Variants in USP3 observed in about 807,000 individuals in gnomAD.
USP3 encodes ubiquitin carboxyl-terminal hydrolase 3.
A neutral mutation model predicts 72.3 loss-of-function variants in USP3; 20 were observed. That is an observed-to-expected ratio of 0.28 (90% confidence interval 0.19 to 0.40). USP3 has a LOEUF of 0.40. Ranked by LOEUF, USP3 falls within the 10% of genes least tolerant of loss-of-function variation. USP3 has a pLI of 1.00. For missense variants in USP3, 479 were observed against 633.9 expected, an observed-to-expected ratio of 0.76 and a Z score of 2.62; for synonymous variants, 222 against 225.3, an observed-to-expected ratio of 0.99 and a Z score of 0.13.
At chr15:63,568,274 G>C (rs1320108977) in intron 8 of USP3, among the ~76,000 whole-genome samples, 1 of 150,570 alleles carries the variant, frequency 6.6e-6, no homozygotes, top group Non-Finnish European at 1.5e-5. Flanking sequence ...AGAATCCCTT[G>C]AACCAGGGAG....
chr15:63,570,539 CAGG>C lies in USP3; in HGVS notation c.871_873del (p.Glu291del). 1.2e-6 allele frequency: 2 copies of C among 1,614,110 alleles called. No individual in the cohort carries two copies. Among genetic ancestry groups the C allele is most frequent in the Non-Finnish European group, 1.7e-6 (2 of 1,179,986 alleles). Reference sequence around the variant, plus strand: ...CGGTGTTTCCCGCTCAGCAATTCTGCAGGAGAATTCTACTCTGTCTGCAAGTAA... The same window carrying C: ...CGGTGTTTCCCGCTCAGCAATTCTGCAGAATTCTACTCTGTCTGCAAGTAA... On this transcript the variant is annotated inframe_deletion, in exon 9 of 15. Transcript: ENST00000380324. This position sits in a 1 kb window ranked among gnomAD's most constrained non-coding sequence, Gnocchi z 4.4.
rs1330708930 is a variant in USP3, at chr15:63,593,980, T to TC, written c.*3156dup. On this transcript the variant is annotated 3_prime_UTR_variant, in exon 15 of 15. Transcript: ENST00000380324. ...TCCATGGTGGAGAAACCTTTGCTTA[T>TC]CCACTGTATTCTACTCAGTGTATAG... 6.6e-6 allele frequency: 1 copy of TC among 152,258 alleles called. No homozygotes were observed. Among genetic ancestry groups the TC allele is most frequent in the Non-Finnish European group, 1.5e-5 (1 of 68,048 alleles). The allele number at this position is 152,258 out of a possible 1,614,324, so 9.4% of individuals were successfully genotyped here.
intron 1 of USP3, chr15:63,530,525 C>G: frequency 2.8e-6 from 1 of 361,498 alleles, no homozygotes; most frequent in Non-Finnish European, 5.4e-6. Context: ...TTTACCAAAG[C>G]TGGTCTCGAA....
intron 11 of USP3, among the ~76,000 whole-genome samples, chr15:63,576,954 T>A (rs538738579): frequency 2.0e-5 from 3 of 152,324 alleles, no homozygotes; most frequent in African/African-American, 4.8e-5. Context: ...TTACCTAGTA[T>A]GTCTTCTACG....
chr15:63,555,005 CTT>C (rs1464778911), intron 4 of USP3, among the ~76,000 whole-genome samples: 1 of 152,164 alleles, frequency 6.6e-6, no homozygotes, highest in Non-Finnish European at 1.5e-5. Context: ...TAGTATCACT[CTT>C]TGGTGTGGTG....
At chr15:63,539,883 G>A (rs773541756) in intron 3 of USP3, among the ~76,000 whole-genome samples, 10 of 152,188 alleles carry the variant, frequency 6.6e-5, no homozygotes, top group African/African-American at 2.4e-4. Context: ...GTAAATTGAC[G>A]AAGATGCAGT....
chr15:63,558,437 G>C (rs1414669370), intron 6 of USP3, among the ~76,000 whole-genome samples: 2 of 152,144 alleles, frequency 1.3e-5, no homozygotes, highest in African/African-American at 4.8e-5. Flanking sequence ...ATAGTTGTTT[G>C]CGGTTATTTC....
chr15:63,552,784 A>G (rs949106802), intron 3 of USP3, among the ~76,000 whole-genome samples: 1 of 152,056 alleles, frequency 6.6e-6, no homozygotes, highest in Non-Finnish European at 1.5e-5. Context: ...TGTTTTTGGA[A>G]TCTGCTAGAG....
chr15:63,556,846 T>C, intron 5 of USP3, 98 bp downstream of exon 5: 1 of 862,678 alleles, frequency 1.2e-6, no homozygotes, highest in Non-Finnish European at 1.8e-6. Context: ...TACAGACTTT[T>C]ATAAATGTGT....
intron 1 of USP3, among the ~76,000 whole-genome samples, chr15:63,506,731 T>C (rs2065718276): frequency 6.6e-6 from 1 of 152,198 alleles, no homozygotes; most frequent in African/African-American, 2.4e-5. Flanking sequence ...TAAACTAGTA[T>C]GTGGGGTGAT....
intron 1 of USP3, among the ~76,000 whole-genome samples, chr15:63,525,676 A>C (rs1225910159): frequency 1.3e-5 from 2 of 152,238 alleles, no homozygotes; most frequent in Admixed American, 6.5e-5. Context: ...GCTTGTGAAC[A>C]TGCAGTTCAG....
intron 11 of USP3, among the ~76,000 whole-genome samples, chr15:63,580,563 A>G (rs1008584853): frequency 2.7e-5 from 4 of 149,240 alleles, no homozygotes; most frequent in Admixed American, 6.7e-5. Flanking sequence ...TTAACAGTTT[A>G]TATCATGTGG....
chr15:63,507,421 C>T (rs937911798), intron 1 of USP3, among the ~76,000 whole-genome samples: 31 of 152,186 alleles, frequency 2.0e-4, no homozygotes, highest in African/African-American at 7.0e-4. Flanking sequence ...TTTGCATTTA[C>T]TTCACAGGTT....
chr15:63,524,551 G>A (rs1403058021), intron 1 of USP3, among the ~76,000 whole-genome samples: 2 of 152,142 alleles, frequency 1.3e-5, no homozygotes. Context: ...TGGAGAACGT[G>A]GACTCACAGA....
At chr15:63,590,572 AT>A (rs2067177153) in intron 14 of USP3, 88 bp from the exon 15 acceptor site, 1 of 1,237,788 alleles carries the variant, frequency 8.1e-7, no homozygotes, top group African/African-American at 1.6e-5. Flanking sequence ...ATGTATTCTT[AT>A]TAAAATTTAA....
chr15:63,571,559 A>C (rs1054469460), intron 9 of USP3, among the ~76,000 whole-genome samples: 2 of 152,200 alleles, frequency 1.3e-5, no homozygotes, highest in Non-Finnish European at 2.9e-5. Flanking sequence ...GCTAGCACCA[A>C]ATTAAAAAGT....
At chr15:63,532,799 T>A in intron 2 of USP3, 92 bp downstream of exon 2, 1 of 1,343,278 alleles carries the variant, frequency 7.4e-7, no homozygotes, top group Non-Finnish European at 1.1e-6. Context: ...TTGGATTTAG[T>A]ACCATTGTTA....
intron 3 of USP3, among the ~76,000 whole-genome samples, chr15:63,537,602 C>A (rs543567777): frequency 1.3e-5 from 2 of 152,174 alleles, no homozygotes; most frequent in African/African-American, 4.8e-5. Flanking sequence ...TTCTGACAGT[C>A]TCCCTTCTCC....
chr15:63,531,680 A>T (rs1266419524), intron 1 of USP3, among the ~76,000 whole-genome samples: 1 of 152,156 alleles, frequency 6.6e-6, no homozygotes, highest in Non-Finnish European at 1.5e-5. Flanking sequence ...TGGGTATCCT[A>T]AACTAAGAAA....
Sources: allele counts gnomAD v4.1 joint callset (sites outside exome capture counted in the v4.1 genomes callset), GRCh38; gene constraint gnomAD v4.1.1; non-coding constraint Gnocchi (gnomAD v3.1); transcripts MANE v1.5; gene names NCBI Gene and HGNC (gene_info 2026-07-23, HGNC 2026-07-21).